Variants in EIF3H observed in about 807,000 individuals in gnomAD.
EIF3H encodes the protein eukaryotic translation initiation factor 3 subunit H.
Under a neutral mutation model 44.2 loss-of-function variants are expected in EIF3H, and 26 were observed. That is an observed-to-expected ratio of 0.59 (90% CI 0.43 to 0.82). The LOEUF is 0.82. Ranked by LOEUF, EIF3H falls within the 40% of genes least tolerant of loss-of-function variation. The pLI is 0.00. For synonymous variants in EIF3H, 166 were observed against 151.9 expected (o/e 1.09, Z -0.68); for missense variants, 359 against 432.8 (o/e 0.83, Z 1.51).
upstream of EIF3H, chr8:116,755,951 C>G (rs1381963931): frequency 6.5e-7 from 1 of 1,536,730 alleles, no homozygotes; most frequent in Non-Finnish European, 8.7e-7. Flanking sequence ...TCCAGTTTTA[C>G]CTTCTTTCCA....
chr8:116,746,249 A>C (rs960012833), intron 1 of EIF3H, among the ~76,000 whole-genome samples: 1 of 152,240 alleles, frequency 6.6e-6, no homozygotes, highest in Non-Finnish European at 1.5e-5. Context: ...TCTGAAAAAC[A>C]TATTTCCCAA....
chr8:116,711,451 TAAAATATTAAG>T (rs1179130157), intron 2 of EIF3H, among the ~76,000 whole-genome samples: 1 of 152,186 alleles, frequency 6.6e-6, no homozygotes, highest in African/African-American at 2.4e-5. Context: ...GAAGAGAAAT[TAAAATATTAAG>T]AAGAAACAAT....
At chr8:116,671,391 C>G (rs1348102343) in intron 2 of EIF3H, among the ~76,000 whole-genome samples, 1 of 152,118 alleles carries the variant, frequency 6.6e-6, no homozygotes, top group Non-Finnish European at 1.5e-5. Context: ...CATCTCAAAC[C>G]AGGTAATATC....
chr8:116,714,880 TC>T (rs2130906361), intron 2 of EIF3H, among the ~76,000 whole-genome samples: 1 of 152,150 alleles, frequency 6.6e-6, no homozygotes, highest in African/African-American at 2.4e-5. Context: ...CAAATTCAAC[TC>T]TTCTCTGAGC....
intron 1 of EIF3H, among the ~76,000 whole-genome samples, chr8:116,731,074 T>C (rs549923055): frequency 1.3e-5 from 2 of 152,292 alleles, no homozygotes; most frequent in Non-Finnish European, 2.9e-5. Context: ...AAAAGACACA[T>C]GGAAAGCTTA....
At chr8:116,717,558 C>T (rs1814676301) in intron 2 of EIF3H, among the ~76,000 whole-genome samples, 1 of 152,068 alleles carries the variant, frequency 6.6e-6, no homozygotes, top group Non-Finnish European at 1.5e-5. Context: ...TGAATATAGA[C>T]CAATGGAACA....
chr8:116,755,682 A>C lies in EIF3H; in HGVS notation c.116T>G (p.Val39Gly), dbSNP rs774767360. Residue 39 changes from valine (V) to glycine (G), a missense_variant, in exon 1 of 8, where the codon GTG becomes GGG. By Grantham distance (109) the Val-to-Gly change is moderately radical (BLOSUM62 -3). Around this residue, in one of 5 missense-constraint regions of EIF3H, gnomAD observed 91 missense variants for 164.6 expected, o/e 0.55. Coordinates refer to ENST00000521861, the MANE Select transcript of EIF3H (RefSeq NM_003756.3). The part of the protein sequence containing the change: ...GGSGDSAVKQ[V>G]QIDGLVVLKI... ...AGCACTCACAAGGCCATCTATCTGCACTTGCTTCACGGCTGAATCTCCCGA... is the reference window on the plus strand; with the variant it reads ...AGCACTCACAAGGCCATCTATCTGCCCTTGCTTCACGGCTGAATCTCCCGA... The C allele has an allele frequency of 1.5e-5, 24 of 1,614,048 alleles. No homozygotes were observed. The highest frequency in any genetic ancestry group is 1.8e-5 in the Non-Finnish European group (21 of 1,180,036).
At position 116,741,105 on chromosome 8, in the gene EIF3H, T is replaced by C. The variant is rs918361673; in HGVS notation, c.132+14561A>G. On this transcript the variant is annotated intron_variant, in intron 1 of 7. Transcript: ENST00000521861. ...CTGATTTCTTTTTTAATTTTTTCTA[T>C]CTTTTTTTTAGAATTGTCATATTTC... 3.3e-5 allele frequency among the ~76,000 whole-genome samples: 5 copies of C among 152,146 alleles called. No homozygotes were observed. In the South Asian group the frequency reaches 1.0e-3, roughly 32 times the overall value.
chr8:116,762,606 A>T (rs1039052218), intron 1 of EIF3H, among the ~76,000 whole-genome samples: 1 of 152,226 alleles, frequency 6.6e-6, no homozygotes, highest in African/African-American at 2.4e-5. Flanking sequence ...TTTGGCTAGA[A>T]CTTAATCCTG....
intron 2 of EIF3H, among the ~76,000 whole-genome samples, chr8:116,672,790 G>A (rs1403754761): frequency 6.6e-6 from 1 of 152,048 alleles, no homozygotes; most frequent in Non-Finnish European, 1.5e-5. Flanking sequence ...TCGGCCTCAA[G>A]ATAATCTGAA....
At chr8:116,671,461 A>T (rs903836325) in intron 2 of EIF3H, among the ~76,000 whole-genome samples, 8 of 152,250 alleles carry the variant, frequency 5.3e-5, no homozygotes, top group Admixed American at 5.2e-4. Flanking sequence ...TTCCTTGCAG[A>T]AAAGATTATG....
intron 5 of EIF3H, among the ~76,000 whole-genome samples, chr8:116,653,647 T>C (rs1209604476): frequency 6.6e-6 from 1 of 152,056 alleles, no homozygotes; most frequent in African/African-American, 2.4e-5. Context: ...CCTTAATGTA[T>C]GATGCCCACC....
chr8:116,696,089 T>A (rs542230372), intron 2 of EIF3H, among the ~76,000 whole-genome samples: 2 of 152,350 alleles, frequency 1.3e-5, no homozygotes, highest in South Asian at 2.1e-4. Context: ...CCAAGAGCAA[T>A]GAGCATGCTC....
In EIF3H at chr8:116,644,180, A is replaced by AG. The variant is rs1418290598; in HGVS notation, c.*825dup. 6.6e-6 allele frequency: 1 copy of AG among 152,356 alleles called. No homozygotes were observed. The highest frequency in any genetic ancestry group is 2.4e-5 in the African/African-American group (1 of 41,444). The allele number at this position is 152,356 out of a possible 1,614,324, so 9.4% of individuals were successfully genotyped here. A position where few individuals can be genotyped will look rare whatever the true frequency, so the allele number is the denominator to read the frequency against. ...AGAAGCAGGTGAATCACTTGAGGTC[A>AG]GGAGATGCAGACCAGCCTGGCCAAC... On this transcript the variant is annotated 3_prime_UTR_variant, in exon 8 of 8. Transcript: ENST00000521861.
chr8:116,658,472 G>A (rs1386724793), intron 3 of EIF3H: 3 of 183,902 alleles, frequency 1.6e-5, no homozygotes, highest in African/African-American at 4.7e-5. Flanking sequence ...ATTATGATTG[G>A]TCAGTCACGT....
chr8:116,660,378 A>C (rs1813565887), intron 2 of EIF3H, among the ~76,000 whole-genome samples: 1 of 152,228 alleles, frequency 6.6e-6, no homozygotes, highest in Non-Finnish European at 1.5e-5. Context: ...ATAAAGTATA[A>C]AAGAGTGTTC....
chr8:116,720,503 A>G (rs1459223343), intron 2 of EIF3H, among the ~76,000 whole-genome samples: 1 of 152,134 alleles, frequency 6.6e-6, no homozygotes, highest in Non-Finnish European at 1.5e-5. Context: ...GTATGTCTTT[A>G]TCAGTGGCGT....
intron 2 of EIF3H, among the ~76,000 whole-genome samples, chr8:116,659,717 G>A (rs1480817761): frequency 6.6e-6 from 1 of 152,002 alleles, no homozygotes; most frequent in African/African-American, 2.4e-5. Flanking sequence ...GTATAGTAAT[G>A]ACTATAATGT....
At chr8:116,689,746 A>G (rs544690752) in intron 2 of EIF3H, among the ~76,000 whole-genome samples, 262 of 152,340 alleles carry the variant, frequency 1.7e-3, no homozygotes, top group Middle Eastern at 3.4e-3. Context: ...ATGCATTGCT[A>G]TTACAAAATC....
Sources: gnomAD v4.1 joint callset for allele counts (sites outside exome capture counted in the v4.1 genomes callset) on GRCh38, gnomAD v4.1.1 for gene constraint, gnomAD v4.1.1 regional missense constraint, MANE v1.5 for transcripts, NCBI Gene and HGNC (gene_info 2026-07-23, HGNC 2026-07-21) for gene names.